CDIN1: variants seen among roughly 807,000 people sequenced by gnomAD.
CDIN1 encodes the protein CDAN1-interacting nuclease 1.
A neutral mutation model predicts 45.3 loss-of-function variants in CDIN1; 33 were observed. The observed-to-expected ratio is 0.73, with a 90% CI of 0.55 to 0.97. CDIN1 has a LOEUF of 0.97. Among genes scored for constraint, CDIN1 ranks in the 50% least tolerant of loss-of-function variants. CDIN1 has a pLI of 0.00. For synonymous variants in CDIN1, 118 were observed against 124.4 expected (o/e 0.95, Z 0.34); for missense variants, 303 against 339.4 (o/e 0.89, Z 0.84).
intron 10 of CDIN1, among the ~76,000 whole-genome samples, chr15:36,738,145 G>T (rs1221083563): frequency 6.6e-6 from 1 of 151,888 alleles, no homozygotes; most frequent in African/African-American, 2.4e-5. Flanking sequence ...TTGGCTTGGC[G>T]ATTTCATCTA....
At chr15:36,653,035 A>C (rs1454120380) in intron 3 of CDIN1, among the ~76,000 whole-genome samples, 4 of 152,224 alleles carry the variant, frequency 2.6e-5, no homozygotes, top group Admixed American at 1.3e-4. Context: ...ATAATCACCT[A>C]CTATAAACAA....
chr15:36,660,934 A>T (rs1299863403), intron 5 of CDIN1, among the ~76,000 whole-genome samples: 1 of 152,170 alleles, frequency 6.6e-6, no homozygotes, highest in Non-Finnish European at 1.5e-5. Context: ...AGACATGAGG[A>T]AGTTTATCCA....
At chr15:36,613,459 C>T in intron 1 of CDIN1, 1 of 1,543,794 alleles carries the variant, frequency 6.5e-7, no homozygotes, top group Non-Finnish European at 8.8e-7. Flanking sequence ...TGAGCAGTAG[C>T]TAGGTGGGCA....
rs549964546 is a variant in CDIN1 at position 36,652,016 on chromosome 15, G to A, written c.213-2082G>A. 2.0e-5 allele frequency among the ~76,000 whole-genome samples: 3 copies of A among 152,302 alleles called. No homozygotes were observed. The East Asian group carries it at 5.8e-4, about 29-fold the overall frequency. ...CAACAGATCTCTGGTATAAAAGGTA[G>A]TCTGGCATCTAGCTGCTACTCTTTC... On this transcript the variant is annotated intron_variant, in intron 3 of 10. Transcript: ENST00000566621.
rs1262012289 is a variant in CDIN1, at chr15:36,650,446, AT to A, written c.213-3649del. On this transcript the variant is annotated intron_variant, in intron 3 of 10. Transcript: ENST00000566621. ...TATTTATTTATTTATTTATTTATTT[AT>A]TTATTTATTATTTGAGACAGAACCT... Among the ~76,000 whole-genome samples, 114 of 113,472 alleles carry A rather than the reference AT, an allele frequency of 1.0e-3. 1 individual carries two copies. Among genetic ancestry groups the A allele is most frequent in the Admixed American group, 4.4e-3 (45 of 10,212 alleles). The allele number at this position is 113,472 out of a possible 152,430, so 74.4% of individuals were successfully genotyped here. A position where few individuals can be genotyped will look rare whatever the true frequency, so the allele number is the denominator to read the frequency against.
intron 1 of CDIN1, chr15:36,594,818 A>AT (rs34509141): frequency 0.49 from 356,175 of 727,886 alleles, 46,964 homozygotes; most frequent in Admixed American, 0.66. Context: ...GGCACTTAAA[A>AT]TTTTTTTTTT....
intron 10 of CDIN1, among the ~76,000 whole-genome samples, chr15:36,797,808 C>T (rs1028037642): frequency 5.9e-5 from 9 of 151,800 alleles, no homozygotes; most frequent in African/African-American, 9.7e-5. Context: ...GGTGAAACCC[C>T]GTCTCTACTA....
At chr15:36,635,096 G>T (rs62002295) in intron 1 of CDIN1, among the ~76,000 whole-genome samples, 4,809 of 152,246 alleles carry the variant, frequency 0.032, 87 homozygotes, top group South Asian at 0.05. Context: ...AATATCCCAA[G>T]CTTTGGGGGC....
At chr15:36,627,975 A>G (rs2140338140) in intron 1 of CDIN1, among the ~76,000 whole-genome samples, 1 of 149,418 alleles carries the variant, frequency 6.7e-6, no homozygotes, top group African/African-American at 2.5e-5. Context: ...CCAGGTCAGC[A>G]TGGGTTTATG....
chr15:36,773,097 T>C (rs148755841), intron 10 of CDIN1, among the ~76,000 whole-genome samples: 1 of 152,218 alleles, frequency 6.6e-6, no homozygotes, highest in East Asian at 1.9e-4. Context: ...AGGAAAAAAA[T>C]ATCCCAGGTG....
chr15:36,617,624 C>T (rs553237041), intron 1 of CDIN1: 12 of 771,878 alleles, frequency 1.6e-5, no homozygotes, highest in Non-Finnish European at 2.6e-5. Context: ...GTGTTAAGTT[C>T]TTCTCCCATG....
intron 10 of CDIN1, among the ~76,000 whole-genome samples, chr15:36,767,362 T>G (rs563361491): frequency 5.9e-5 from 9 of 152,218 alleles, no homozygotes; most frequent in Admixed American, 5.9e-4. Context: ...GGACCAGGAG[T>G]TCTAGCCTGT....
rs189016046 is a variant in CDIN1 at position 36,777,779 on chromosome 15, T to A, written c.717-30545T>A. Among the ~76,000 whole-genome samples, 272 of 152,126 alleles carry A rather than the reference T, an allele frequency of 1.8e-3. 2 individuals are homozygous for A. Among genetic ancestry groups the A allele is most frequent in the African/African-American group, 6.3e-3 (260 of 41,476 alleles). ...GTGAGCAACACCATGCCTGGCTAAT[T>A]TGTGTATTGTTTGTAGAGATGGGGT... is the stretch of plus-strand genomic sequence containing the variant. On this transcript the variant is annotated intron_variant, in intron 10 of 10. Coordinates refer to ENST00000566621, the MANE Select transcript of CDIN1 (RefSeq NM_001321759.2).
chr15:36,701,749 C>T (rs1013703714), intron 8 of CDIN1, among the ~76,000 whole-genome samples: 18 of 152,122 alleles, frequency 1.2e-4, no homozygotes, highest in African/African-American at 4.3e-4. Context: ...TTGCTGTGCC[C>T]CTGCCTCACC....
intron 10 of CDIN1, among the ~76,000 whole-genome samples, chr15:36,754,453 G>C (rs142255770): frequency 6.6e-6 from 1 of 151,288 alleles, no homozygotes; most frequent in East Asian, 2.0e-4. Context: ...GTATTCAGAA[G>C]TCAGGCCTAA....
intron 1 of CDIN1, among the ~76,000 whole-genome samples, chr15:36,600,314 C>T (rs74008665): frequency 0.018 from 2,773 of 152,246 alleles, 83 homozygotes; most frequent in African/African-American, 0.064. Context: ...TGTGGAGTCC[C>T]AGAACATTTT....
intron 5 of CDIN1, among the ~76,000 whole-genome samples, chr15:36,671,883 G>A (rs985273470): frequency 4.6e-5 from 7 of 152,088 alleles, no homozygotes; most frequent in Admixed American, 2.6e-4. Flanking sequence ...AAACAATGTG[G>A]AATCACCTTT....
At chr15:36,721,770 TTCTC>T (rs140313300) in intron 10 of CDIN1, among the ~76,000 whole-genome samples, 3 of 149,596 alleles carry the variant, frequency 2.0e-5, no homozygotes, top group Non-Finnish European at 3.0e-5. Flanking sequence ...TTCCTGGAAT[TTCTC>T]TCTCTCTCTC....
chr15:36,690,514 C>T lies in CDIN1; in HGVS notation c.347-1171C>T, dbSNP rs1009319144. Among the ~76,000 whole-genome samples the T allele has an allele frequency of 9.2e-5, 14 of 152,066 alleles. No individual in the cohort carries two copies. In the East Asian group the frequency reaches 1.6e-3, roughly 17 times the overall value. On this transcript the variant is annotated intron_variant, in intron 5 of 10. Transcript: ENST00000566621. ...TGATCTCCTGACCTCAAGATCCACC[C>T]GCCTCGGCCTCCCAAAGTGCTGGGA...
Sources: gnomAD v4.1 joint callset for allele counts (sites outside exome capture counted in the v4.1 genomes callset) on GRCh38, gnomAD v4.1.1 for gene constraint, MANE v1.5 for transcripts, NCBI Gene and HGNC (gene_info 2026-07-23, HGNC 2026-07-21) for gene names.